TENM3: variants seen among roughly 807,000 people sequenced by gnomAD.
TENM3 encodes teneurin transmembrane protein 3.
Under a neutral mutation model 255.1 loss-of-function variants are expected in TENM3, and 63 were observed. The observed-to-expected ratio is 0.25, with a 90% CI of 0.20 to 0.30. TENM3 has a LOEUF of 0.30. TENM3 is among the 10% of genes least tolerant of loss of function. The pLI is 1.00. For synonymous variants in TENM3, 1,306 were observed against 1,322.3 expected, an observed-to-expected ratio of 0.99 and a Z score of 0.27; for missense variants, 2,929 against 3,461.1, an observed-to-expected ratio of 0.85 and a Z score of 3.86.
chr4:181,788,287 T>C, the TENM3 span, among the ~76,000 whole-genome samples: 2 of 152,172 alleles, frequency 1.3e-5, no homozygotes, highest in Non-Finnish European at 2.9e-5. Flanking sequence ...ATATGTTAAG[T>C]ACCTAGCACT....
the TENM3 span, among the ~76,000 whole-genome samples, chr4:181,806,648 G>A: frequency 6.6e-6 from 1 of 152,196 alleles, no homozygotes; most frequent in Non-Finnish European, 1.5e-5. Context: ...CGGAAGAGGA[G>A]ACTAGGCCCT....
rs747711131 is a variant in TENM3 at position 182,751,767 on chromosome 4, C to T, written c.3630-33C>T. On this transcript the variant is annotated intron_variant, in intron 19 of 27. Coordinates refer to ENST00000511685, the MANE Select transcript of TENM3 (RefSeq NM_001080477.4). ...TTCCCTCTGTGTATTAGGAGTAACT[C>T]CCTTTGATGTTTATCTATGATCCTT... 2.0e-6 allele frequency: 3 copies of T among 1,495,632 alleles called. No individual in the cohort carries two copies. The South Asian group carries it at 3.4e-5, about 17-fold the overall frequency. The allele number at this position is 1,495,632 out of a possible 1,614,324, so 92.6% of individuals were successfully genotyped here.
At chr4:182,581,263 G>A (rs942100000) in intron 3 of TENM3, among the ~76,000 whole-genome samples, 9 of 152,248 alleles carry the variant, frequency 5.9e-5, no homozygotes, top group African/African-American at 2.2e-4. Flanking sequence ...GCAGTGGTGT[G>A]TATGATCAAA....
chr4:182,466,018 C>A (rs573400746), intron 3 of TENM3, among the ~76,000 whole-genome samples: 2 of 151,998 alleles, frequency 1.3e-5, no homozygotes, highest in Non-Finnish European at 2.9e-5. Flanking sequence ...AACCAAAGTA[C>A]GTTATGGTTT....
intron 13 of TENM3, among the ~76,000 whole-genome samples, chr4:182,722,401 T>G (rs943037031): frequency 1.3e-5 from 2 of 152,156 alleles, no homozygotes; most frequent in Non-Finnish European, 2.9e-5. Flanking sequence ...ATTTAGCAAA[T>G]GTATTAAATG....
the TENM3 span, among the ~76,000 whole-genome samples, chr4:182,078,594 C>T: frequency 2.0e-5 from 3 of 152,106 alleles, no homozygotes; most frequent in Non-Finnish European, 2.9e-5. Flanking sequence ...AAGATTTTAA[C>T]GTGACCACAT....
At chr4:181,606,161 C>T in the TENM3 span, among the ~76,000 whole-genome samples, 1 of 152,160 alleles carries the variant, frequency 6.6e-6, no homozygotes, top group Non-Finnish European at 1.5e-5. Flanking sequence ...TGGTCCAATC[C>T]ACCAAAATCT....
chr4:182,318,960 G>T (rs1303328807), intron 1 of TENM3, among the ~76,000 whole-genome samples: 1 of 152,046 alleles, frequency 6.6e-6, no homozygotes, highest in East Asian at 1.9e-4. Flanking sequence ...TAGAAATGTG[G>T]TCTCACTGTG....
In TENM3 at chr4:182,251,672, G is replaced by A. The variant is rs753143241; in HGVS notation, c.-76+8196G>A. Among the ~76,000 whole-genome samples, 101 of 152,062 alleles carry A rather than the reference G, an allele frequency of 6.6e-4. 2 individuals are homozygous for A. The highest frequency in any genetic ancestry group is 1.8e-4 in the Non-Finnish European group (12 of 68,020). On this transcript the variant is annotated intron_variant, in intron 1 of 27. Coordinates refer to ENST00000511685, the MANE Select transcript of TENM3 (RefSeq NM_001080477.4). ...ATCACTAGAATTCTATTCCCTCCTC[G>A]AGGTGTAAGTGCTGTCTTCTTAAAT... is the stretch of plus-strand genomic sequence containing the variant.
At chr4:181,729,688 C>G in the TENM3 span, among the ~76,000 whole-genome samples, 3 of 152,166 alleles carry the variant, frequency 2.0e-5, no homozygotes, top group Non-Finnish European at 4.4e-5. Context: ...TGGCTCTTCT[C>G]CACTGGGTTA....
chr4:182,731,267 A>T, intron 16 of TENM3, 128 bp downstream of exon 16: 1 of 898,830 alleles, frequency 1.1e-6, no homozygotes, highest in Non-Finnish European at 1.7e-6. Context: ...GCGCTTTGGG[A>T]GGCCGAGGTG....
chr4:181,600,638 G>A, the TENM3 span, among the ~76,000 whole-genome samples: 1 of 151,610 alleles, frequency 6.6e-6, no homozygotes, highest in Admixed American at 6.6e-5. Flanking sequence ...CCTGGCCCTT[G>A]ATGCTGGGGC....
At chr4:181,845,826 G>T in the TENM3 span, among the ~76,000 whole-genome samples, 2 of 152,150 alleles carry the variant, frequency 1.3e-5, no homozygotes, top group African/African-American at 4.8e-5. Flanking sequence ...AGGTTACAGC[G>T]GGTGTTCCTG....
chr4:182,045,956 G>T, the TENM3 span, among the ~76,000 whole-genome samples: 5 of 152,286 alleles, frequency 3.3e-5, no homozygotes, highest in Admixed American at 3.3e-4. Context: ...GCCAGGATGG[G>T]AGGATCACTT....
At position 182,778,089 on chromosome 4, in the gene TENM3, CATAG is replaced by C. The variant is rs200587774; in HGVS notation, c.5304+2941_5304+2944del. ...TGCAGCTCATTTTTTTAAAAAGACA[CATAG>C]ATAGCAGTTGCTTACCTGTGCTTTA... On this transcript the variant is annotated intron_variant, in intron 24 of 27. Coordinates refer to ENST00000511685, the MANE Select transcript of TENM3 (RefSeq NM_001080477.4). Among the ~76,000 whole-genome samples the C allele has an allele frequency of 6.1e-3, 926 of 152,062 alleles. 8 individuals are homozygous for C. Among genetic ancestry groups the C allele is most frequent in the African/African-American group, 0.022 (901 of 41,450 alleles).
rs577421202 is a variant in TENM3 at position 182,603,137 on chromosome 4, T to A, written c.749+1976T>A. ...TTGATGAGACTTTAAAGAAAGAAAG[T>A]AGTTGGTTAGAAGAAAATCCACTGT... is the stretch of plus-strand genomic sequence containing the variant. On this transcript the variant is annotated intron_variant, in intron 4 of 27. Coordinates refer to ENST00000511685, the MANE Select transcript of TENM3 (RefSeq NM_001080477.4). Among the ~76,000 whole-genome samples the A allele has an allele frequency of 2.6e-5, 4 of 152,238 alleles. No individual in the cohort carries two copies. The South Asian group carries it at 8.3e-4, about 32-fold the overall frequency.
chr4:182,386,319 T>C (rs1472013083), intron 3 of TENM3, among the ~76,000 whole-genome samples: 1 of 152,246 alleles, frequency 6.6e-6, no homozygotes, highest in Non-Finnish European at 1.5e-5. Context: ...CAAGAAGTTT[T>C]ACCTTATAGC....
chr4:181,530,390 T>C, the TENM3 span, among the ~76,000 whole-genome samples: 2 of 152,184 alleles, frequency 1.3e-5, no homozygotes, highest in Non-Finnish European at 2.9e-5. Context: ...CTTTCCTACA[T>C]AAAGCAAAGC....
the TENM3 span, among the ~76,000 whole-genome samples, chr4:181,544,361 G>A: frequency 5.3e-5 from 7 of 133,202 alleles, no homozygotes; most frequent in South Asian, 2.4e-4. Context: ...TTTAAAATAC[G>A]GTCTTTTGCA....
Sources: allele counts gnomAD v4.1 joint callset (sites outside exome capture counted in the v4.1 genomes callset), GRCh38; gene constraint gnomAD v4.1.1; transcripts MANE v1.5; gene names NCBI Gene and HGNC (gene_info 2026-07-23, HGNC 2026-07-21).